CHD1: variants seen among roughly 807,000 people sequenced by gnomAD.
The protein encoded by CHD1 is chromodomain helicase DNA binding protein 1, also known as ATP-dependent chromatin remodeler CHD1.
Under a neutral mutation model 224.2 loss-of-function variants are expected in CHD1, and 36 were observed. The observed-to-expected ratio is 0.16, with a 90% CI of 0.12 to 0.21. The LOEUF is 0.21. CHD1 is among the 10% of genes least tolerant of loss of function. The probability of loss-of-function intolerance (pLI) is 1.00; values close to 1 mark genes in which losing one functional copy is unlikely to be tolerated. For missense variants in CHD1, 1,378 were observed against 1,994.8 expected, an observed-to-expected ratio of 0.69 and a Z score of 5.89; for synonymous variants, 668 against 658.3, an observed-to-expected ratio of 1.01 and a Z score of -0.23.
Position 98,901,334 on chromosome 5 carries a change from C to T in CHD1, c.439G>A (p.Glu147Lys). Residue 147 changes from glutamate (E) to lysine (K), a missense_variant and splice_region_variant, in exon 6 of 36, where the codon GAA (glutamate) becomes AAA (lysine). By Grantham distance (56) the Glu-to-Lys change is moderately conservative. This residue lies in a region of CHD1 where 306 missense variants were observed against 298.1 expected (regional missense o/e 1.03). Transcript: ENST00000614616. ...SEVKRKKHKD[E>K]DWQMSGSGSP... ...CCTGACCCAGACATTTGCCAATCTT[C>T]ACTGCAGACAAAATTTATAAAGTAT... 1 of 1,596,026 alleles carries T rather than the reference C, an allele frequency of 6.3e-7. No individual in the cohort carries two copies. Among genetic ancestry groups the T allele is most frequent in the Non-Finnish European group, 8.5e-7 (1 of 1,175,244 alleles).
intron 5 of CHD1, among the ~76,000 whole-genome samples, chr5:98,902,300 A>G (rs1315293460): frequency 6.6e-6 from 1 of 152,166 alleles, no homozygotes; most frequent in Non-Finnish European, 1.5e-5. Context: ...TTAAAAATGC[A>G]TGAATCTTTT....
At chr5:98,872,371 T>A (rs779798121) in intron 27 of CHD1, 46 bp downstream of exon 27, 1 of 1,572,934 alleles carries the variant, frequency 6.4e-7, no homozygotes, top group South Asian at 1.2e-5. Flanking sequence ...CATTTTGCAA[T>A]TATTGAATAA....
intron 7 of CHD1, 134 bp downstream of exon 7, chr5:98,900,677 G>A: frequency 2.7e-6 from 2 of 727,298 alleles, no homozygotes; most frequent in Non-Finnish European, 4.5e-6. Flanking sequence ...CTGACCTCAG[G>A]TCTAGAACTC....
intron 4 of CHD1, among the ~76,000 whole-genome samples, chr5:98,903,442 G>A (rs535413637): frequency 7.3e-5 from 10 of 137,624 alleles, no homozygotes; most frequent in South Asian, 2.3e-4. Flanking sequence ...TTATTATTTC[G>A]TACAAATATG....
At chr5:98,888,627 C>G (rs1335295616) in intron 16 of CHD1, among the ~76,000 whole-genome samples, 1 of 152,196 alleles carries the variant, frequency 6.6e-6, no homozygotes, top group African/African-American at 2.4e-5. Context: ...ATTCTAGATG[C>G]TGATCCTAGC....
At chr5:98,903,246 C>G (rs1751839141) in intron 4 of CHD1, among the ~76,000 whole-genome samples, 2 of 151,998 alleles carry the variant, frequency 1.3e-5, no homozygotes, top group African/African-American at 4.8e-5. Flanking sequence ...CTAGTATAGC[C>G]AAAACAAGAA....
chr5:98,905,042 C>G lies in CHD1; in HGVS notation c.110G>C (p.Gly37Ala). The change falls in exon 3 of 36, where the codon GGA becomes GCA. Residue 37 changes from glycine (G) to alanine (A), a missense_variant. By Grantham distance (60) the Gly-to-Ala change is moderately conservative (BLOSUM62 0). Around this residue, in one of 16 missense-constraint regions of CHD1, gnomAD observed 306 missense variants for 298.1 expected, o/e 1.03. Coordinates refer to ENST00000614616, the MANE Select transcript of CHD1 (RefSeq NM_001270.4). ...GCTACTGCTTCCATCACTACTGCTT[C>G]CAGAACTCGAACCAGATCCAGAGCC... is the stretch of plus-strand genomic sequence containing the variant. ...ASGSGSGSSS[G>A]SSSDGSSSQS... 6.3e-7 allele frequency: 1 copy of G among 1,584,982 alleles called. No homozygotes were observed. Among genetic ancestry groups the G allele is most frequent in the Non-Finnish European group, 8.7e-7 (1 of 1,153,402 alleles).
chr5:98,868,596 T>C lies in CHD1; in HGVS notation c.4147A>G (p.Lys1383Glu). ...SKSDGRERSK[K>E]SSVSDAPVHI... The stretch of plus-strand genomic sequence containing the variant: ...ACTGGAGCATCTGACACTGAAGATT[T>C]CTTGGATCTTTCCCTACCATCAGAC... The change falls in exon 31 of 36, where the codon AAA becomes GAA. Residue 1383 changes from lysine to glutamate, a missense_variant. Lys to Glu is a moderately conservative substitution (Grantham distance 56, BLOSUM62 1). This residue lies in a region of CHD1 where 105 missense variants were observed against 93.4 expected (regional missense o/e 1.12). Transcript: ENST00000614616. 6.2e-7 allele frequency: 1 copy of C among 1,606,978 alleles called. No homozygotes were observed.
intron 17 of CHD1, among the ~76,000 whole-genome samples, chr5:98,886,459 ATTAGC>A (rs1750658493): frequency 6.6e-6 from 1 of 152,200 alleles, no homozygotes; most frequent in African/African-American, 2.4e-5. Context: ...CTTATTAAAC[ATTAGC>A]TGCTATTTCA....
intron 28 of CHD1, among the ~76,000 whole-genome samples, chr5:98,871,700 ATATAT>A (rs1056870792): frequency 7.2e-5 from 11 of 152,254 alleles, no homozygotes; most frequent in Non-Finnish European, 1.2e-4. Flanking sequence ...TTGCATCTTT[ATATAT>A]TATATGATTG....
rs1750582004 is a variant in CHD1 at position 98,885,409 on chromosome 5, G to A, written c.2568+169C>T. On this transcript the variant is annotated intron_variant, in intron 18 of 35. Transcript: ENST00000614616. ...TCTGTCTCAAAGATAAAATCCTTAG[G>A]TTTAAACTAGAATAGTGACTTTAAA... Among the ~76,000 whole-genome samples the A allele has an allele frequency of 2.6e-5, 4 of 152,106 alleles. No homozygotes were observed. The South Asian group carries it at 8.3e-4, about 32-fold the overall frequency.
At chr5:98,876,063 T>G (rs1009100727) in intron 24 of CHD1, among the ~76,000 whole-genome samples, 1 of 151,796 alleles carries the variant, frequency 6.6e-6, no homozygotes, top group African/African-American at 2.4e-5. Context: ...ATTAGTAACT[T>G]TGGGAGTCAT....
chr5:98,878,475 C>T (rs1184808903), intron 23 of CHD1, among the ~76,000 whole-genome samples: 5 of 152,108 alleles, frequency 3.3e-5, no homozygotes, highest in African/African-American at 9.7e-5. Flanking sequence ...GCAATCAAGA[C>T]AAAAAATCTT....
Position 98,856,337 on chromosome 5 carries a change from A to G in CHD1, c.*43T>C, listed in dbSNP as rs1223229830. On this transcript the variant is annotated 3_prime_UTR_variant, in exon 36 of 36. Transcript: ENST00000614616. ...CAATTACTGTGTTGGTTTATGATATATGGCTAAAAGAAAAGTCCAGAAAGA... is the reference window on the plus strand; with the variant it reads ...CAATTACTGTGTTGGTTTATGATATGTGGCTAAAAGAAAAGTCCAGAAAGA... 1 of 1,455,316 alleles carries G rather than the reference A, an allele frequency of 6.9e-7. No individual in the cohort carries two copies. Among genetic ancestry groups the G allele is most frequent in the Admixed American group, 1.7e-5 (1 of 57,594 alleles). 90.2% of individuals were successfully genotyped at this position (1,455,316 alleles called of 1,614,324 possible). A position where few individuals can be genotyped will look rare whatever the true frequency, so the allele number is the denominator to read the frequency against.
chr5:98,907,268 T>C (rs1752103698), intron 2 of CHD1, among the ~76,000 whole-genome samples: 1 of 152,160 alleles, frequency 6.6e-6, no homozygotes, highest in African/African-American at 2.4e-5. Flanking sequence ...ATTTATTTTA[T>C]TGAGTTGTTC....
At chr5:98,871,160 T>C (rs1273042569) in intron 28 of CHD1, among the ~76,000 whole-genome samples, 2 of 151,844 alleles carry the variant, frequency 1.3e-5, no homozygotes, top group Non-Finnish European at 2.9e-5. Context: ...AGTGTACTTA[T>C]ATATAATGTA....
intron 3 of CHD1, 29 bp from the exon 4 acceptor site, chr5:98,903,937 A>T: frequency 7.2e-7 from 1 of 1,384,906 alleles, no homozygotes; most frequent in Non-Finnish European, 1.0e-6. Flanking sequence ...CCAGTGAATG[A>T]AGAAGTATTA....
intron 2 of CHD1, among the ~76,000 whole-genome samples, chr5:98,917,026 CAA>C (rs1325858919): frequency 6.6e-6 from 1 of 151,986 alleles, no homozygotes; most frequent in Non-Finnish European, 1.5e-5. Flanking sequence ...AGCATAAAAA[CAA>C]AAAGACTCCT....
chr5:98,911,023 T>C (rs970494864), intron 2 of CHD1, among the ~76,000 whole-genome samples: 1 of 150,586 alleles, frequency 6.6e-6, no homozygotes, highest in Non-Finnish European at 1.5e-5. Context: ...GACTTCTAAA[T>C]ACTACTGCAC....
Sources: gnomAD v4.1 joint callset for allele counts (sites outside exome capture counted in the v4.1 genomes callset) on GRCh38, gnomAD v4.1.1 for gene constraint, gnomAD v4.1.1 regional missense constraint, MANE v1.5 for transcripts, NCBI Gene and HGNC (gene_info 2026-07-23, HGNC 2026-07-21) for gene names.